The following MAFF variants were observed in gnomAD, a reference collection of about 807,000 sequenced individuals.
MAFF encodes the protein MAF bZIP transcription factor F.
MAFF carries 4 observed loss-of-function variants against 2.7 expected under a neutral mutation model. The ratio of observed to expected loss-of-function variants is 1.48; its 90% CI spans 0.73 to 3.39. MAFF has a LOEUF of 3.39. Ranked by LOEUF, MAFF falls within the 30% of genes most tolerant of loss-of-function variation. The probability of loss-of-function intolerance (pLI) is 0.01; values close to 1 mark genes in which losing one functional copy is unlikely to be tolerated. For missense variants in MAFF, 190 were observed against 246.6 expected, an observed-to-expected ratio of 0.77 and a Z score of 1.54; for synonymous variants, 113 against 119.4, an observed-to-expected ratio of 0.95 and a Z score of 0.35.
rs1243089653 is a variant in MAFF at position 38,215,849 on chromosome 22, TTTGA to T, written c.*975_*978del. On this transcript the variant is annotated 3_prime_UTR_variant, in exon 3 of 3. Transcript: ENST00000338483. ...TGTGGGGTGGGGGCTGACCCCTGCC[TTTGA>T]TTGTCATTCTCCTGGGAAGCCCAGT... is the stretch of plus-strand genomic sequence containing the variant. 5 of 167,144 alleles carry T rather than the reference TTTGA, an allele frequency of 3.0e-5. No homozygotes were observed. The highest frequency in any genetic ancestry group is 7.3e-5 in the Non-Finnish European group (5 of 68,192). 10.4% of individuals were successfully genotyped at this position (167,144 alleles called of 1,614,324 possible).
Position 38,215,197 on chromosome 22 carries a change from AC to A in MAFF, c.*323del, listed in dbSNP as rs2091138726. 1 of 305,762 alleles carries A rather than the reference AC, an allele frequency of 3.3e-6. No individual in the cohort carries two copies. The highest frequency in any genetic ancestry group is 6.4e-6 in the Non-Finnish European group (1 of 155,566). The allele number at this position is 305,762 out of a possible 1,614,324, so 18.9% of individuals were successfully genotyped here. On this transcript the variant is annotated 3_prime_UTR_variant, in exon 3 of 3. Coordinates refer to ENST00000338483, the MANE Select transcript of MAFF (RefSeq NM_012323.4). ...AACAGCTGTTGGGGGAGAAGAGGGCACCCCTCATCTTGGAAACTGCTCTTAT... is the reference window on the plus strand; with the variant it reads ...AACAGCTGTTGGGGGAGAAGAGGGCACCCTCATCTTGGAAACTGCTCTTAT...
chr22:38,213,288 G>A (rs936976352), intron 1 of MAFF, among the ~76,000 whole-genome samples: 1 of 151,758 alleles, frequency 6.6e-6, no homozygotes, highest in Non-Finnish European at 1.5e-5. Context: ...GGTCAGGAGA[G>A]GCACATCTAT....
At chr22:38,213,460 T>G in intron 1 of MAFF, 1 of 344,656 alleles carries the variant, frequency 2.9e-6, no homozygotes, top group East Asian at 7.5e-5. Flanking sequence ...GAACCAAGCA[T>G]GAGAAATGCA....
At chr22:38,213,520 A>G in intron 1 of MAFF, 1 of 464,968 alleles carries the variant, frequency 2.2e-6, no homozygotes, top group Non-Finnish European at 4.2e-6. Flanking sequence ...GTGATGTGAC[A>G]CAGAGGCGTT....
chr22:38,207,344 G>A (rs977114220), intron 1 of MAFF, among the ~76,000 whole-genome samples: 1 of 149,564 alleles, frequency 6.7e-6, no homozygotes, highest in African/African-American at 2.5e-5. Context: ...GATGGTCTCA[G>A]TCTCCTGACC....
chr22:38,204,746 G>A (rs116099553), intron 1 of MAFF, among the ~76,000 whole-genome samples: 2 of 152,322 alleles, frequency 1.3e-5, no homozygotes, highest in South Asian at 4.1e-4. Flanking sequence ...TTTGCTGTCT[G>A]TTCATTCATC....
At chr22:38,204,700 G>A (rs1041010399) in intron 1 of MAFF, among the ~76,000 whole-genome samples, 5 of 152,124 alleles carry the variant, frequency 3.3e-5, no homozygotes, top group African/African-American at 7.2e-5. Context: ...TGCACTGCCC[G>A]CTTGTCCCTT....
At chr22:38,206,408 C>G (rs2091052444) in intron 1 of MAFF, among the ~76,000 whole-genome samples, 1 of 144,176 alleles carries the variant, frequency 6.9e-6, no homozygotes. Context: ...GTGGCTTGTT[C>G]TCAGCTCACT....
At chr22:38,209,513 C>G (rs2091080805) in intron 1 of MAFF, among the ~76,000 whole-genome samples, 1 of 152,022 alleles carries the variant, frequency 6.6e-6, no homozygotes, top group Non-Finnish European at 1.5e-5. Context: ...AGGGTGACCA[C>G]TTAAGAGGCC....
At chr22:38,206,311 G>A (rs1277534280) in intron 1 of MAFF, among the ~76,000 whole-genome samples, 1 of 150,746 alleles carries the variant, frequency 6.6e-6, no homozygotes, top group Non-Finnish European at 1.5e-5. Context: ...ATGATGGTGA[G>A]ATGAGGTGAT....
At chr22:38,210,855 T>A (rs1259368829) in intron 1 of MAFF, among the ~76,000 whole-genome samples, 1 of 149,608 alleles carries the variant, frequency 6.7e-6, no homozygotes, top group Non-Finnish European at 1.5e-5. Context: ...AGCCAAGGAG[T>A]TCAAGACCAG....
intron 1 of MAFF, among the ~76,000 whole-genome samples, chr22:38,206,771 G>A (rs2091055106): frequency 6.6e-6 from 1 of 152,194 alleles, no homozygotes; most frequent in Non-Finnish European, 1.5e-5. Flanking sequence ...CTGAGGTTCT[G>A]TATCAGCCGC....
intron 1 of MAFF, among the ~76,000 whole-genome samples, chr22:38,207,364 G>A (rs917343236): frequency 4.1e-5 from 6 of 146,260 alleles, no homozygotes; most frequent in South Asian, 2.3e-4. Flanking sequence ...CTCATGATCC[G>A]CCCACCTCGG....
In MAFF at chr22:38,214,816, G is replaced by A; in HGVS notation, c.433G>A (p.Gly145Ser). The change falls in exon 3 of 3, where the codon GGC becomes AGC. Residue 145 changes from glycine to serine, a missense_variant. By Grantham distance (56) the Gly-to-Ser change is moderately conservative. This residue lies in a region of MAFF where 103 missense variants were observed against 103.0 expected (regional missense o/e 1.00). Coordinates refer to ENST00000338483, the MANE Select transcript of MAFF (RefSeq NM_012323.4). This position sits in a 1 kb window ranked among gnomAD's most constrained non-coding sequence, Gnocchi z 6.3. ...CATCACCATCGTCAAGTCCACCCCGGGCTCGGGGTCTGGCCCCGCCCACGG... is the reference window on the plus strand; with the variant it reads ...CATCACCATCGTCAAGTCCACCCCGAGCTCGGGGTCTGGCCCCGCCCACGG... ...SVITIVKSTP[G>S]SGSGPAHGPD... 6.7e-7 allele frequency: 1 copy of A among 1,491,554 alleles called. No individual in the cohort carries two copies. The highest frequency in any genetic ancestry group is 8.9e-7 in the Non-Finnish European group (1 of 1,126,208). 92.4% of individuals were successfully genotyped at this position (1,491,554 alleles called of 1,614,324 possible).
chr22:38,214,897 C>A lies in MAFF; in HGVS notation c.*19C>A. 2 of 1,502,992 alleles carry A rather than the reference C, an allele frequency of 1.3e-6. No homozygotes were observed. Among genetic ancestry groups the A allele is most frequent in the Non-Finnish European group, 1.8e-6 (2 of 1,114,752 alleles). The allele number at this position is 1,502,992 out of a possible 1,614,324, so 93.1% of individuals were successfully genotyped here. A position where few individuals can be genotyped will look rare whatever the true frequency, so the allele number is the denominator to read the frequency against. Reference sequence around the variant, plus strand: ...CTCCTAGTGCCCGCCCCCGCCATGCCTCAGCCACGCCCCTCCGGCCTCAGC... The same window carrying A: ...CTCCTAGTGCCCGCCCCCGCCATGCATCAGCCACGCCCCTCCGGCCTCAGC... On this transcript the variant is annotated 3_prime_UTR_variant, in exon 3 of 3. Coordinates refer to ENST00000338483, the MANE Select transcript of MAFF (RefSeq NM_012323.4). This position sits in a 1 kb window ranked among gnomAD's most constrained non-coding sequence, Gnocchi z 6.3.
rs944325052 is a variant in MAFF, at chr22:38,216,266, T to C, written c.*1388T>C. 6.5e-6 allele frequency: 1 copy of C among 154,902 alleles called. No individual in the cohort carries two copies. Among genetic ancestry groups the C allele is most frequent in the Non-Finnish European group, 1.5e-5 (1 of 68,076 alleles). The allele number at this position is 154,902 out of a possible 1,614,324, so 9.6% of individuals were successfully genotyped here. On this transcript the variant is annotated 3_prime_UTR_variant, in exon 3 of 3. Coordinates refer to ENST00000338483, the MANE Select transcript of MAFF (RefSeq NM_012323.4). ...GGCTCATGCCTGTAGTCCCAGCTACTTGGGAGGCTGAGGCAGGAGGATCAC... is the reference window on the plus strand; with the variant it reads ...GGCTCATGCCTGTAGTCCCAGCTACCTGGGAGGCTGAGGCAGGAGGATCAC...
At chr22:38,211,495 G>A (rs2091101226) in intron 1 of MAFF, among the ~76,000 whole-genome samples, 1 of 150,826 alleles carries the variant, frequency 6.6e-6, no homozygotes, top group East Asian at 2.0e-4. Flanking sequence ...AAAGTGCTGG[G>A]ATTACAGGCG....
intron 1 of MAFF, among the ~76,000 whole-genome samples, chr22:38,209,251 G>A (rs538113728): frequency 9.9e-5 from 15 of 151,952 alleles, no homozygotes; most frequent in African/African-American, 3.4e-4. Flanking sequence ...TTTTTTAGTA[G>A]AGACGGGGTT....
chr22:38,213,176 C>CAAAAAAAAAAAAAAAAA, intron 1 of MAFF, among the ~76,000 whole-genome samples: 1 of 114,116 alleles, frequency 8.8e-6, no homozygotes, highest in Non-Finnish European at 1.8e-5. Flanking sequence ...GACTCTGTCT[C>CAAAAAAAAAAAAAAAAA]AAAAAAAAAA....
Sources: allele counts gnomAD v4.1 joint callset (sites outside exome capture counted in the v4.1 genomes callset), GRCh38; gene constraint gnomAD v4.1.1; regional missense constraint gnomAD v4.1.1; non-coding constraint Gnocchi (gnomAD v3.1); transcripts MANE v1.5; gene names NCBI Gene and HGNC (gene_info 2026-07-23, HGNC 2026-07-21).